The following CNTNAP2 variants were observed in gnomAD, a reference collection of about 807,000 sequenced individuals.
CNTNAP2 encodes contactin-associated protein-like 2.
In CNTNAP2, 98 loss-of-function variants were observed where a neutral mutation model predicts 155.2. That is an observed-to-expected ratio of 0.63 (90% CI 0.54 to 0.75). The LOEUF is 0.75. Among genes scored for constraint, CNTNAP2 ranks in the 30% least tolerant of loss-of-function variants. CNTNAP2 has a pLI of 0.00. For missense variants in CNTNAP2, 1,727 were observed against 1,688.1 expected (o/e 1.02, Z -0.40); for synonymous variants, 651 against 631.2 (o/e 1.03, Z -0.47).
At chr7:146,648,249 CTT>C (rs1799848616) in intron 1 of CNTNAP2, among the ~76,000 whole-genome samples, 1 of 152,138 alleles carries the variant, frequency 6.6e-6, no homozygotes, top group Non-Finnish European at 1.5e-5. Context: ...TTGGAACAAA[CTT>C]TATGCCTTTA....
intron 3 of CNTNAP2, among the ~76,000 whole-genome samples, chr7:146,946,292 C>T (rs1048049815): frequency 6.6e-6 from 1 of 152,096 alleles, no homozygotes; most frequent in Non-Finnish European, 1.5e-5. Context: ...ACTATTTCCT[C>T]TTCCCTGTCT....
At chr7:146,536,517 T>G (rs1797871042) in intron 1 of CNTNAP2, among the ~76,000 whole-genome samples, 1 of 151,708 alleles carries the variant, frequency 6.6e-6, no homozygotes, top group Non-Finnish European at 1.5e-5. Context: ...GAGAAGCAGG[T>G]GGAAGGGAAG....
At chr7:146,344,015 T>C (rs1794775452) in intron 1 of CNTNAP2, among the ~76,000 whole-genome samples, 1 of 152,030 alleles carries the variant, frequency 6.6e-6, no homozygotes, top group Non-Finnish European at 1.5e-5. Context: ...TGTTTAATCA[T>C]AAAAAATTAT....
chr7:147,262,666 CGTG>C (rs1392366808), intron 8 of CNTNAP2, among the ~76,000 whole-genome samples: 2 of 152,084 alleles, frequency 1.3e-5, no homozygotes, highest in African/African-American at 4.8e-5. Flanking sequence ...ATTAGCTGGG[CGTG>C]GTGGCGAGCG....
intron 1 of CNTNAP2, among the ~76,000 whole-genome samples, chr7:146,555,715 G>T (rs557857693): frequency 1.5e-4 from 23 of 152,322 alleles, no homozygotes; most frequent in Non-Finnish European, 2.9e-4. Flanking sequence ...GGGTGAGCAA[G>T]TGGTACCACA....
intron 13 of CNTNAP2, among the ~76,000 whole-genome samples, chr7:147,841,518 C>A (rs898751553): frequency 2.6e-5 from 4 of 152,024 alleles, no homozygotes; most frequent in Non-Finnish European, 4.4e-5. Context: ...CAATTTGGGG[C>A]AAAGCGCAAT....
chr7:148,226,884 T>C (rs1055522380), intron 19 of CNTNAP2, among the ~76,000 whole-genome samples: 2 of 152,174 alleles, frequency 1.3e-5, no homozygotes, highest in Non-Finnish European at 1.5e-5. Flanking sequence ...TTCTAAAACT[T>C]TTTAATAAAC....
intron 21 of CNTNAP2, among the ~76,000 whole-genome samples, chr7:148,352,639 T>G (rs1730432): frequency 0.32 from 49,264 of 152,146 alleles, 8,654 homozygotes; most frequent in Non-Finnish European, 0.4. Flanking sequence ...CCCAGGAGGT[T>G]AGAGCTGGAG....
chr7:146,141,844 G>C (rs529285096), intron 1 of CNTNAP2, among the ~76,000 whole-genome samples: 112 of 152,118 alleles, frequency 7.4e-4, no homozygotes, highest in African/African-American at 2.6e-3. Context: ...TGCAACTCAA[G>C]GTAAATTTAC....
intron 1 of CNTNAP2, among the ~76,000 whole-genome samples, chr7:146,415,270 T>C (rs1023423408): frequency 2.0e-5 from 3 of 152,058 alleles, no homozygotes; most frequent in African/African-American, 7.2e-5. Flanking sequence ...ATCACCTTCC[T>C]GGAGGAAGAA....
At chr7:147,055,108 ATACTC>A (rs1799535297) in intron 4 of CNTNAP2, among the ~76,000 whole-genome samples, 1 of 152,178 alleles carries the variant, frequency 6.6e-6, no homozygotes, top group Non-Finnish European at 1.5e-5. Flanking sequence ...AAACATCTGA[ATACTC>A]TACCCTCAGG....
chr7:147,331,643 G>A (rs1012722274), intron 9 of CNTNAP2, among the ~76,000 whole-genome samples: 6 of 152,058 alleles, frequency 3.9e-5, no homozygotes, highest in African/African-American at 1.2e-4. Flanking sequence ...TAGAGGGATC[G>A]GCAGAGAAGC....
At chr7:146,942,257 T>C in intron 3 of CNTNAP2, among the ~76,000 whole-genome samples, 1 of 152,020 alleles carries the variant, frequency 6.6e-6, no homozygotes, top group East Asian at 1.9e-4. Flanking sequence ...AAACTATCAG[T>C]GAAACAGTGG....
intron 21 of CNTNAP2, among the ~76,000 whole-genome samples, chr7:148,298,368 A>G (rs13244714): frequency 0.12 from 18,205 of 152,238 alleles, 1,264 homozygotes; most frequent in Middle Eastern, 0.21. Flanking sequence ...AGGGTTGAAA[A>G]TGCTTCTAGG....
intron 3 of CNTNAP2, among the ~76,000 whole-genome samples, chr7:146,934,430 G>A (rs1219699791): frequency 1.3e-4 from 17 of 134,484 alleles, no homozygotes; most frequent in East Asian, 4.7e-4. Flanking sequence ...ATCACACTCC[G>A]TGGCCTGTTG....
At chr7:147,154,942 C>A (rs944648004) in intron 8 of CNTNAP2, among the ~76,000 whole-genome samples, 8 of 151,924 alleles carry the variant, frequency 5.3e-5, no homozygotes, top group Non-Finnish European at 1.0e-4. Context: ...GGAAATCACC[C>A]AGTTATTTCA....
chr7:147,458,225 TTATC>T (rs1563211768), intron 10 of CNTNAP2, among the ~76,000 whole-genome samples: 1 of 152,182 alleles, frequency 6.6e-6, no homozygotes, highest in Non-Finnish European at 1.5e-5. Flanking sequence ...TGTGATTTAT[TTATC>T]TACCTGTTTA....
intron 16 of CNTNAP2, among the ~76,000 whole-genome samples, 183 bp from the exon 17 acceptor site, chr7:148,147,308 G>T (rs1477898926): frequency 6.6e-6 from 1 of 152,036 alleles, no homozygotes; most frequent in Non-Finnish European, 1.5e-5. Flanking sequence ...AAACACCCTT[G>T]GTTATTAATG....
intron 3 of CNTNAP2, among the ~76,000 whole-genome samples, chr7:147,000,752 A>G (rs538957907): frequency 2.6e-5 from 4 of 152,238 alleles, no homozygotes; most frequent in Admixed American, 1.3e-4. Flanking sequence ...GTGTGCTTGA[A>G]GCCCATAGTT....
Sources: allele counts gnomAD v4.1 joint callset (sites outside exome capture counted in the v4.1 genomes callset), GRCh38; gene constraint gnomAD v4.1.1; transcripts MANE v1.5; gene names NCBI Gene and HGNC (gene_info 2026-07-23, HGNC 2026-07-21).